PSIP1: variants seen among roughly 807,000 people sequenced by gnomAD.
The protein encoded by PSIP1 is PC4 and SRSF1 interacting protein 1, also known as PC4 and SFRS1-interacting protein.
PSIP1 carries 19 observed loss-of-function variants against 74.7 expected under a neutral mutation model. That is an observed-to-expected ratio of 0.25 (90% CI 0.18 to 0.37). The LOEUF is 0.37. Ranked by LOEUF, PSIP1 falls within the 10% of genes least tolerant of loss-of-function variation. The pLI is 1.00. For synonymous variants in PSIP1, 222 were observed against 195.3 expected, an observed-to-expected ratio of 1.14 and a Z score of -1.14; for missense variants, 601 against 614.3, an observed-to-expected ratio of 0.98 and a Z score of 0.23.
rs1278277874 is a variant in PSIP1 at position 15,489,608 on chromosome 9, C to CAAAA, written c.288+374_288+377dup. On this transcript the variant is annotated intron_variant, in intron 4 of 15. Coordinates refer to ENST00000380733, the MANE Select transcript of PSIP1 (RefSeq NM_033222.5). Reference sequence around the variant, plus strand: ...GGGCAACAAGAGCGAAACTACACCTCAAAAAAAAAAAAAAAAAAAAGAAAT... The same window carrying CAAAA: ...GGGCAACAAGAGCGAAACTACACCTCAAAAAAAAAAAAAAAAAAAAAAAAGAAAT... Among the ~76,000 whole-genome samples, 241 of 45,464 alleles carry CAAAA rather than the reference C, an allele frequency of 5.3e-3. 5 individuals carry two copies. The highest frequency in any genetic ancestry group is 0.014 in the African/African-American group (227 of 15,704). 29.8% of individuals were successfully genotyped at this position (45,464 alleles called of 152,430 possible). A position where few individuals can be genotyped will look rare whatever the true frequency, so the allele number is the denominator to read the frequency against.
chr9:15,496,838 T>G (rs145580556), intron 3 of PSIP1, among the ~76,000 whole-genome samples: 2 of 152,296 alleles, frequency 1.3e-5, no homozygotes, highest in Admixed American at 6.5e-5. Context: ...TCAACATCAT[T>G]AAGTTATCCA....
intron 3 of PSIP1, chr9:15,505,376 AAG>A (rs1352166411): frequency 6.6e-6 from 1 of 152,220 alleles, no homozygotes; most frequent in African/African-American, 2.4e-5. Flanking sequence ...AAATTTACTG[AAG>A]AGTTTCTTTA....
At chr9:15,479,461 T>C (rs899676799) in intron 7 of PSIP1, 130 bp downstream of exon 7, 13 of 592,434 alleles carry the variant, frequency 2.2e-5, no homozygotes, top group Admixed American at 3.6e-5. Context: ...TTATCTCCTT[T>C]GAAATCTGTA....
At chr9:15,502,068 G>T (rs1001797418) in intron 3 of PSIP1, among the ~76,000 whole-genome samples, 1 of 151,924 alleles carries the variant, frequency 6.6e-6, no homozygotes, top group Non-Finnish European at 1.5e-5. Flanking sequence ...CACATGCAAG[G>T]GATCTAGTCT....
chr9:15,500,493 A>G (rs756974445), intron 3 of PSIP1, among the ~76,000 whole-genome samples: 4 of 152,102 alleles, frequency 2.6e-5, no homozygotes, highest in African/African-American at 4.8e-5. Context: ...AGATGAATAA[A>G]CAGTTCATCT....
At chr9:15,483,592 T>C (rs2036430724) in intron 6 of PSIP1, among the ~76,000 whole-genome samples, 1 of 152,164 alleles carries the variant, frequency 6.6e-6, no homozygotes, top group African/African-American at 2.4e-5. Context: ...GTAAGTTCAA[T>C]GGAAACAAAG....
chr9:15,504,847 A>G (rs2037511935), intron 3 of PSIP1: 1 of 152,222 alleles, frequency 6.6e-6, no homozygotes, highest in Non-Finnish European at 1.5e-5. Flanking sequence ...ACATTACTAC[A>G]GTATTTCCAA....
intron 6 of PSIP1, among the ~76,000 whole-genome samples, chr9:15,482,039 C>T (rs1218184255): frequency 6.6e-6 from 1 of 152,032 alleles, no homozygotes; most frequent in African/African-American, 2.4e-5. Context: ...ATTTTACTTG[C>T]TCTGAGACAT....
Position 15,470,878 on chromosome 9 carries a change from A to G in PSIP1, c.978-885T>C, listed in dbSNP as rs931749007. 3.8e-5 allele frequency: 41 copies of G among 1,089,540 alleles called. No individual in the cohort carries two copies. In the Admixed American group the frequency reaches 7.8e-4, roughly 21 times the overall value. 67.5% of individuals were successfully genotyped at this position (1,089,540 alleles called of 1,614,324 possible). ...TCTAGATGAATAATGTACAACCACC[A>G]TCTTCGTCTGAGCTTGTTATTACTT... On this transcript the variant is annotated intron_variant, in intron 10 of 15. Coordinates refer to ENST00000380733, the MANE Select transcript of PSIP1 (RefSeq NM_033222.5).
chr9:15,499,903 T>C (rs566642593), intron 3 of PSIP1, among the ~76,000 whole-genome samples: 37 of 148,852 alleles, frequency 2.5e-4, no homozygotes, highest in African/African-American at 8.4e-4. Context: ...CGAAGTCACA[T>C]ACACAAAACA....
chr9:15,509,006 T>A (rs918321701), intron 2 of PSIP1, among the ~76,000 whole-genome samples: 5 of 152,220 alleles, frequency 3.3e-5, no homozygotes, highest in Non-Finnish European at 7.3e-5. Flanking sequence ...GGAGTTTACG[T>A]AGAGCAGCTA....
At chr9:15,501,291 A>C (rs1323580987) in intron 3 of PSIP1, among the ~76,000 whole-genome samples, 1 of 152,104 alleles carries the variant, frequency 6.6e-6, no homozygotes, top group Non-Finnish European at 1.5e-5. Flanking sequence ...CCAAATATTT[A>C]TTTAACAGCT....
At chr9:15,481,488 G>C (rs148522233) in intron 6 of PSIP1, among the ~76,000 whole-genome samples, 1 of 152,130 alleles carries the variant, frequency 6.6e-6, no homozygotes, top group Non-Finnish European at 1.5e-5. Flanking sequence ...ACGAGGTCAG[G>C]AGTTCGAGAC....
intron 10 of PSIP1, chr9:15,471,564 A>G (rs927128428): frequency 3.8e-5 from 37 of 963,098 alleles, no homozygotes; most frequent in Non-Finnish European, 4.6e-5. Flanking sequence ...AGAAAATGAT[A>G]GGTGACAAAG....
chr9:15,498,084 C>T (rs1314024990), intron 3 of PSIP1, among the ~76,000 whole-genome samples: 1 of 152,152 alleles, frequency 6.6e-6, no homozygotes, highest in African/African-American at 2.4e-5. Flanking sequence ...ATTGCTCAAT[C>T]TCTGCACCTA....
chr9:15,471,908 G>A (rs945798504), intron 10 of PSIP1: 16 of 982,418 alleles, frequency 1.6e-5, no homozygotes, highest in East Asian at 1.1e-4. Context: ...GACGCTTCAC[G>A]AGAAAAGAAA....
intron 10 of PSIP1, chr9:15,471,210 C>T: frequency 6.2e-7 from 1 of 1,606,280 alleles, no homozygotes; most frequent in Non-Finnish European, 8.5e-7. Flanking sequence ...TTTTTTATTA[C>T]TGTAGATTAC....
intron 5 of PSIP1, among the ~76,000 whole-genome samples, 162 bp downstream of exon 5, chr9:15,486,665 T>C (rs1267728695): frequency 6.6e-6 from 1 of 152,192 alleles, no homozygotes; most frequent in African/African-American, 2.4e-5. Context: ...TGTTTGACAA[T>C]ACTGTATTTA....
intron 3 of PSIP1, among the ~76,000 whole-genome samples, chr9:15,493,191 C>G (rs1294195231): frequency 6.6e-6 from 1 of 152,164 alleles, no homozygotes; most frequent in Non-Finnish European, 1.5e-5. Context: ...TTTCTTCTGC[C>G]AGATACCCTA....
Sources: gnomAD v4.1 joint callset for allele counts (sites outside exome capture counted in the v4.1 genomes callset) on GRCh38, gnomAD v4.1.1 for gene constraint, MANE v1.5 for transcripts, NCBI Gene and HGNC (gene_info 2026-07-23, HGNC 2026-07-21) for gene names.